Variants in AVL9 observed in about 807,000 individuals in gnomAD.
The protein encoded by AVL9 is late secretory pathway protein AVL9 homolog.
AVL9 carries 49 observed loss-of-function variants against 79.2 expected under a neutral mutation model. The observed-to-expected ratio is 0.62, with a 90% CI of 0.49 to 0.79. The LOEUF is 0.79. AVL9 is among the 30% of genes least tolerant of loss of function. AVL9 has a pLI of 0.00. For synonymous variants in AVL9, 299 were observed against 280.6 expected, an observed-to-expected ratio of 1.07 and a Z score of -0.65; for missense variants, 682 against 776.8, an observed-to-expected ratio of 0.88 and a Z score of 1.45.
At chr7:32,512,402 A>G (rs1583495235) in intron 1 of AVL9, among the ~76,000 whole-genome samples, 1 of 62,892 alleles carries the variant, frequency 1.6e-5, no homozygotes, top group Non-Finnish European at 3.2e-5. Flanking sequence ...ATGTTACGTT[A>G]TTTTATCGAT....
chr7:32,517,555 C>T (rs552612922), intron 1 of AVL9, among the ~76,000 whole-genome samples: 9 of 152,144 alleles, frequency 5.9e-5, no homozygotes, highest in African/African-American at 2.2e-4. Context: ...CCACCCACCT[C>T]GGCCTCCCAA....
At chr7:32,522,324 A>G (rs192683327) in intron 1 of AVL9, among the ~76,000 whole-genome samples, 188 of 152,332 alleles carry the variant, frequency 1.2e-3, no homozygotes, top group Non-Finnish European at 2.1e-3. Context: ...CTGCCAAGCC[A>G]CAGGGGCAGA....
intron 1 of AVL9, among the ~76,000 whole-genome samples, chr7:32,509,625 G>A (rs952795826): frequency 6.6e-6 from 1 of 152,066 alleles, no homozygotes; most frequent in Non-Finnish European, 1.5e-5. Flanking sequence ...CCGGGCGGGC[G>A]GATCACTTGA....
At chr7:32,498,620 T>TC (rs1357948421) in intron 1 of AVL9, among the ~76,000 whole-genome samples, 3 of 151,550 alleles carry the variant, frequency 2.0e-5, no homozygotes, top group African/African-American at 4.9e-5. Flanking sequence ...TTTTTTTTTT[T>TC]CACTTTTATT....
intron 12 of AVL9, among the ~76,000 whole-genome samples, chr7:32,575,630 A>C (rs1251895596): frequency 1.3e-5 from 2 of 152,190 alleles, no homozygotes; most frequent in Non-Finnish European, 2.9e-5. Context: ...TTTTTGATTA[A>C]TTAATACTAT....
chr7:32,570,713 G>A (rs1433892008), intron 11 of AVL9, among the ~76,000 whole-genome samples: 3 of 150,806 alleles, frequency 2.0e-5, no homozygotes, highest in Non-Finnish European at 3.0e-5. Flanking sequence ...TCCACCTCCT[G>A]GGTTCAAGCA....
intron 13 of AVL9, among the ~76,000 whole-genome samples, chr7:32,579,569 TTATATTA>T (rs1219119542): frequency 0.57 from 1,990 of 3,472 alleles, 773 homozygotes; most frequent in Middle Eastern, 0.83. Context: ...ATATTATATA[TTATATTA>T]TATATTATAT....
rs983338308 is a variant in AVL9, at chr7:32,585,074, T to G, written c.*1167T>G. On this transcript the variant is annotated 3_prime_UTR_variant, in exon 16 of 16. Coordinates refer to ENST00000318709, the MANE Select transcript of AVL9 (RefSeq NM_015060.3). ...CATGAGCCACTGCGCCTGGCCTGTT[T>G]CTTTTTTAAACAGTTTTCTATTGGG... 9 of 152,252 alleles carry G rather than the reference T, an allele frequency of 5.9e-5. No individual in the cohort carries two copies. The highest frequency in any genetic ancestry group is 1.9e-4 in the African/African-American group (8 of 41,446). 9.4% of individuals were successfully genotyped at this position (152,252 alleles called of 1,614,324 possible).
At chr7:32,516,992 C>T (rs963995223) in intron 1 of AVL9, among the ~76,000 whole-genome samples, 2 of 152,156 alleles carry the variant, frequency 1.3e-5, no homozygotes, top group Non-Finnish European at 2.9e-5. Context: ...TCTTTTCTGC[C>T]TGCTTTAAGT....
intron 14 of AVL9, among the ~76,000 whole-genome samples, 158 bp downstream of exon 14, chr7:32,580,430 G>A (rs1254631317): frequency 6.6e-6 from 1 of 152,178 alleles, no homozygotes; most frequent in Non-Finnish European, 1.5e-5. Flanking sequence ...CAGTGTGTAT[G>A]TTTCAAAGTG....
rs542873082 is a variant in AVL9, at chr7:32,583,433, C to T, written c.1832-359C>T. Among the ~76,000 whole-genome samples the T allele has an allele frequency of 2.6e-5, 4 of 152,314 alleles. No individual in the cohort carries two copies. In the South Asian group the frequency reaches 8.3e-4, roughly 32 times the overall value. On this transcript the variant is annotated intron_variant, in intron 15 of 15. Transcript: ENST00000318709. ...CATTTATTGGCTGGGCACAGTGGCT[C>T]ACACCTGTGATCCCAACACTTTGGG...
At chr7:32,570,840 C>T (rs1259357492) in intron 11 of AVL9, among the ~76,000 whole-genome samples, 5 of 147,558 alleles carry the variant, frequency 3.4e-5, no homozygotes, top group African/African-American at 5.0e-5. Context: ...AGGCTGGTCT[C>T]GAACTCCTGA....
chr7:32,537,189 TAG>T (rs1190093900), intron 1 of AVL9: 1 of 152,158 alleles, frequency 6.6e-6, no homozygotes, highest in Non-Finnish European at 1.5e-5. Flanking sequence ...CTCCTACCAC[TAG>T]AGTCACCTTA....
At chr7:32,560,563 AC>A (rs1272930986) in intron 10 of AVL9, among the ~76,000 whole-genome samples, 2 of 152,074 alleles carry the variant, frequency 1.3e-5, no homozygotes, top group Non-Finnish European at 2.9e-5. Context: ...TGCTGTTTCC[AC>A]CAAATCTCCC....
intron 13 of AVL9, among the ~76,000 whole-genome samples, chr7:32,576,462 C>A (rs1331777661): frequency 6.6e-6 from 1 of 152,102 alleles, no homozygotes; most frequent in Admixed American, 6.6e-5. Context: ...AATTAGGAGG[C>A]AATTTTAAAA....
intron 1 of AVL9, among the ~76,000 whole-genome samples, chr7:32,500,039 T>G (rs529447436): frequency 6.6e-6 from 1 of 152,356 alleles, no homozygotes; most frequent in Non-Finnish European, 1.5e-5. Context: ...CTATTGTGAA[T>G]AGTGCTGCAA....
chr7:32,519,624 A>G (rs1788055238), intron 1 of AVL9, among the ~76,000 whole-genome samples: 1 of 151,814 alleles, frequency 6.6e-6, no homozygotes, highest in Non-Finnish European at 1.5e-5. Context: ...AATTTGGGTT[A>G]CTAAGAGTTA....
chr7:32,538,616 C>G (rs1789028255), intron 1 of AVL9: 1 of 152,146 alleles, frequency 6.6e-6, no homozygotes, highest in Non-Finnish European at 1.5e-5. Flanking sequence ...CATCCCCAAC[C>G]TCATTCTCCT....
chr7:32,563,855 G>T (rs1289101612), intron 10 of AVL9, among the ~76,000 whole-genome samples: 1 of 151,962 alleles, frequency 6.6e-6, no homozygotes, highest in Non-Finnish European at 1.5e-5. Context: ...AACCTGCTTG[G>T]GATTCTGAAA....
Sources: allele counts gnomAD v4.1 joint callset (sites outside exome capture counted in the v4.1 genomes callset), GRCh38; gene constraint gnomAD v4.1.1; transcripts MANE v1.5; gene names NCBI Gene and HGNC (gene_info 2026-07-23, HGNC 2026-07-21).